The following USH2A variants were observed in gnomAD, a reference collection of about 807,000 sequenced individuals.
USH2A encodes usherin, also known as Usher syndrome 2A (autosomal recessive, mild).
In USH2A, 443 loss-of-function variants were observed where a neutral mutation model predicts 538.9. The observed-to-expected ratio is 0.82, with a 90% CI of 0.76 to 0.89. The LOEUF is 0.89. USH2A is among the 40% of genes least tolerant of loss of function. The pLI, the probability that USH2A is intolerant of heterozygous loss-of-function variation, is 0.00. For synonymous variants in USH2A, 2,413 were observed against 2,273.5 expected (o/e 1.06, Z -1.75); for missense variants, 6,633 against 6,324.8 (o/e 1.05, Z -1.65).
intron 9 of USH2A, among the ~76,000 whole-genome samples, chr1:216,293,891 T>C (rs1483516304): frequency 6.6e-6 from 1 of 152,208 alleles, no homozygotes; most frequent in Non-Finnish European, 1.5e-5. Context: ...CCAGCAGCAA[T>C]GTTTGTTTAT....
At chr1:215,663,036 A>G (rs1657492866) in intron 64 of USH2A, among the ~76,000 whole-genome samples, 1 of 152,188 alleles carries the variant, frequency 6.6e-6, no homozygotes, top group African/African-American at 2.4e-5. Flanking sequence ...GTATGTGGGT[A>G]AATTACTCTT....
At chr1:215,780,697 T>G (rs1296000358) in intron 54 of USH2A, among the ~76,000 whole-genome samples, 1 of 152,242 alleles carries the variant, frequency 6.6e-6, no homozygotes, top group Non-Finnish European at 1.5e-5. Context: ...TTGCTTTGCA[T>G]GTAGCAGGCA....
chr1:215,789,171 T>C (rs1311154757), intron 51 of USH2A, among the ~76,000 whole-genome samples: 1 of 152,214 alleles, frequency 6.6e-6, no homozygotes, highest in Non-Finnish European at 1.5e-5. Flanking sequence ...TGGAGAAATA[T>C]TGTCCTCATT....
At chr1:215,698,988 T>A (rs910371412) in intron 61 of USH2A, among the ~76,000 whole-genome samples, 1 of 151,904 alleles carries the variant, frequency 6.6e-6, no homozygotes, top group East Asian at 1.9e-4. Flanking sequence ...TCCATCTTAA[T>A]TTTTGTATAA....
At chr1:216,360,818 A>G (rs1267166480) in intron 4 of USH2A, among the ~76,000 whole-genome samples, 1 of 152,118 alleles carries the variant, frequency 6.6e-6, no homozygotes, top group African/African-American at 2.4e-5. Context: ...ATCAAGGAAT[A>G]TATTACATTT....
At chr1:216,006,969 C>G (rs1240054077) in intron 32 of USH2A, among the ~76,000 whole-genome samples, 3 of 152,142 alleles carry the variant, frequency 2.0e-5, no homozygotes, top group Admixed American at 2.0e-4. Context: ...CCCATAATTC[C>G]CACATGTTGT....
chr1:215,879,305 G>T (rs1204894937), intron 41 of USH2A, among the ~76,000 whole-genome samples: 1 of 152,170 alleles, frequency 6.6e-6, no homozygotes, highest in Non-Finnish European at 1.5e-5. Flanking sequence ...TGTTTCCTGG[G>T]TTTGGCTTTC....
intron 21 of USH2A, among the ~76,000 whole-genome samples, chr1:216,160,437 T>TTCTAAACTAGAAC: frequency 6.6e-6 from 1 of 152,130 alleles, no homozygotes; most frequent in East Asian, 1.9e-4. Context: ...AGATTTGGAG[T>TTCTAAACTAGAAC]TCTAGTTTAA....
chr1:216,169,449 G>C (rs2034236171), intron 21 of USH2A, among the ~76,000 whole-genome samples: 1 of 152,122 alleles, frequency 6.6e-6, no homozygotes, highest in Admixed American at 6.6e-5. Flanking sequence ...GATGAATGGG[G>C]AAATAATGGT....
chr1:216,305,845 C>T (rs1197419303), intron 9 of USH2A, among the ~76,000 whole-genome samples: 1 of 152,162 alleles, frequency 6.6e-6, no homozygotes, highest in Non-Finnish European at 1.5e-5. Context: ...GACACCAATT[C>T]CTTCTAGCTT....
intron 32 of USH2A, among the ~76,000 whole-genome samples, chr1:216,039,660 C>T (rs944910491): frequency 7.9e-5 from 12 of 151,976 alleles, no homozygotes; most frequent in African/African-American, 1.7e-4. Flanking sequence ...AAAAGAGCTT[C>T]TGTAAGCCAT....
intron 46 of USH2A, among the ~76,000 whole-genome samples, chr1:215,840,053 C>T (rs1558122146): frequency 6.8e-6 from 1 of 147,226 alleles, no homozygotes; most frequent in Non-Finnish European, 1.5e-5. Flanking sequence ...ATCCTAGGTA[C>T]TTGGGAGGCT....
rs544770020 is a variant in USH2A at position 215,625,761 on chromosome 1, G to A, written c.*20C>T. ...TGCAGACCTTGCATTCCAGGGTTAC[G>A]TCTTCTGGGTTTCCATCCTTTACAG... On this transcript the variant is annotated 3_prime_UTR_variant, in exon 72 of 72. Transcript: ENST00000307340. 5.6e-6 allele frequency: 9 copies of A among 1,612,650 alleles called. No individual in the cohort carries two copies. The highest frequency in any genetic ancestry group is 5.0e-5 in the Admixed American group (3 of 60,016).
chr1:216,084,301 T>G (rs1219789990), intron 25 of USH2A, among the ~76,000 whole-genome samples: 1 of 152,172 alleles, frequency 6.6e-6, no homozygotes, highest in East Asian at 1.9e-4. Context: ...AACATTGTTC[T>G]TCTATATAAT....
rs139494634 is a variant in USH2A, at chr1:215,629,574, C to T, written c.15298-539G>A. Among the ~76,000 whole-genome samples, 426 of 152,138 alleles carry T rather than the reference C, an allele frequency of 2.8e-3. 2 individuals are homozygous for T. The highest frequency in any genetic ancestry group is 9.8e-3 in the African/African-American group (405 of 41,500). On this transcript the variant is annotated intron_variant, in intron 70 of 71. Coordinates refer to ENST00000307340, the MANE Select transcript of USH2A (RefSeq NM_206933.4). ...ATTGACTCCTCCCTCCCTCATTTCTCATTCCATATTCCTCCATTTCTTATA... is the reference window on the plus strand; with the variant it reads ...ATTGACTCCTCCCTCCCTCATTTCTTATTCCATATTCCTCCATTTCTTATA...
At chr1:215,995,438 G>T (rs1024624041) in intron 34 of USH2A, among the ~76,000 whole-genome samples, 1 of 152,126 alleles carries the variant, frequency 6.6e-6, no homozygotes, top group Non-Finnish European at 1.5e-5. Flanking sequence ...CATTTAGAGG[G>T]TCCTAAGTAA....
chr1:216,174,119 C>T lies in USH2A; in HGVS notation c.4627+1133G>A, dbSNP rs138139294. The T allele has an allele frequency of 3.7e-4, 367 of 985,152 alleles. 2 individuals are homozygous for T. The African/African-American group carries it at 4.6e-3, about 12-fold the overall frequency. 61.0% of individuals were successfully genotyped at this position (985,152 alleles called of 1,614,324 possible). On this transcript the variant is annotated intron_variant, in intron 21 of 71. Transcript: ENST00000307340. ...ATTCATTACCAAGGTGCATCAGCAG[C>T]CAGTCTCAATGAAAAGCAAACTATT...
intron 37 of USH2A, among the ~76,000 whole-genome samples, chr1:215,953,899 C>T (rs1411436520): frequency 6.6e-6 from 1 of 152,170 alleles, no homozygotes; most frequent in East Asian, 1.9e-4. Context: ...AAAAAGTGGG[C>T]AAAGGATATG....
intron 21 of USH2A, among the ~76,000 whole-genome samples, chr1:216,162,551 C>G (rs1177732069): frequency 1.3e-5 from 2 of 152,048 alleles, no homozygotes; most frequent in Non-Finnish European, 2.9e-5. Context: ...CTAATGAATA[C>G]AAAATTCTGT....
Sources: allele counts gnomAD v4.1 joint callset (sites outside exome capture counted in the v4.1 genomes callset), GRCh38; gene constraint gnomAD v4.1.1; transcripts MANE v1.5; gene names NCBI Gene and HGNC (gene_info 2026-07-23, HGNC 2026-07-21).